TPM1: variants seen among roughly 807,000 people sequenced by gnomAD.
The protein encoded by TPM1 is tropomyosin alpha-1 chain.
A neutral mutation model predicts 42.9 loss-of-function variants in TPM1; 24 were observed. The observed-to-expected ratio is 0.56, with a 90% CI of 0.41 to 0.79. The LOEUF (loss-of-function observed/expected upper bound fraction) is 0.79, where lower values mean the gene tolerates loss of function less well. Ranked by LOEUF, TPM1 falls within the 30% of genes least tolerant of loss-of-function variation. The pLI is 0.00. For missense variants in TPM1, 158 were observed against 351.8 expected (o/e 0.45, Z 4.41); for synonymous variants, 136 against 130.1 (o/e 1.05, Z -0.31).
chr15:63,062,602 G>A lies in TPM1; in HGVS notation c.729G>A (p.Glu243=), dbSNP rs909096208. Residue 243 remains glutamate, a synonymous_variant, in exon 8 of 10, where the codon GAG becomes GAA. Coordinates refer to ENST00000403994, the MANE Select transcript of TPM1 (RefSeq NM_001018005.2). ...KEAETRAEFA[E]RSVTKLEKSI... ...CTGAGACTCGGGCTGAGTTTGCGGAGAGGTCAGTAACTAAATTGGAGAAAA... is the reference window on the plus strand; with the variant it reads ...CTGAGACTCGGGCTGAGTTTGCGGAAAGGTCAGTAACTAAATTGGAGAAAA... 6.2e-7 allele frequency: 1 copy of A among 1,614,100 alleles called. No homozygotes were observed. The highest frequency in any genetic ancestry group is 8.5e-7 in the Non-Finnish European group (1 of 1,180,052).
At chr15:63,056,710 A>C (rs2034851350) in intron 2 of TPM1, 3 of 445,390 alleles carry the variant, frequency 6.7e-6, no homozygotes, top group African/African-American at 2.0e-5. Flanking sequence ...GGAAGAAAGG[A>C]ACCATGTGAA....
chr15:63,058,570 G>A (rs1281869433), intron 3 of TPM1, among the ~76,000 whole-genome samples: 1 of 152,074 alleles, frequency 6.6e-6, no homozygotes, highest in South Asian at 2.1e-4. Context: ...TTAGCCAGGC[G>A]TGGTGGTGCA....
chr15:63,050,777 A>G (rs960091304), intron 2 of TPM1, among the ~76,000 whole-genome samples: 8 of 152,208 alleles, frequency 5.3e-5, no homozygotes, highest in Non-Finnish European at 1.0e-4. Context: ...TGAAATTGGA[A>G]CTTAAATGTA....
downstream of TPM1, chr15:63,066,188 G>C (rs74021742): frequency 1.3e-3 from 1,810 of 1,409,082 alleles, 20 homozygotes; most frequent in African/African-American, 0.024. Flanking sequence ...ATGAGGGTTA[G>C]TGTTTGGCTG....
At chr15:63,063,036 C>T in intron 8 of TPM1, 1 of 1,324,742 alleles carries the variant, frequency 7.5e-7, no homozygotes, top group Non-Finnish European at 9.6e-7. Flanking sequence ...AAGAACCCAT[C>T]TTCTTCCAAG....
At chr15:63,063,932 C>A in intron 8 of TPM1, 132 bp from the exon 9 acceptor site, 2 of 1,365,938 alleles carry the variant, frequency 1.5e-6, no homozygotes, top group Non-Finnish European at 9.9e-7. Flanking sequence ...CCTGCTGCGG[C>A]ACCAACCCCT....
At chr15:63,070,085 C>G (rs1566976492), downstream of TPM1, 2 of 1,529,244 alleles carry the variant, frequency 1.3e-6, no homozygotes, top group African/African-American at 2.7e-5. Flanking sequence ...GGCTGAAAGG[C>G]TGGCCTTGCC....
intron 2 of TPM1, among the ~76,000 whole-genome samples, chr15:63,049,936 T>C (rs533602451): frequency 6.6e-6 from 1 of 152,304 alleles, no homozygotes; most frequent in South Asian, 2.1e-4. Context: ...ATTAGAACTA[T>C]ATAGAATATG....
chr15:63,066,216 A>T, downstream of TPM1: 1 of 1,357,688 alleles, frequency 7.4e-7, no homozygotes, highest in Non-Finnish European at 9.5e-7. Flanking sequence ...TTCTTTTTAA[A>T]TACTGAACAC....
At chr15:63,061,324 T>A in intron 5 of TPM1, 1 of 1,578,438 alleles carries the variant, frequency 6.3e-7, no homozygotes, top group Non-Finnish European at 8.7e-7. Context: ...CAGACATCTT[T>A]CAGCTTCCAA....
Position 63,062,281 on chromosome 15 carries a change from A to G in TPM1, c.702+4A>G, listed in dbSNP as rs730881145. ...CCTTTCCGACAAGCTGAAGGAGGTA[A>G]TATGAGAGTTGTGGATGAAGCCAAC... On this transcript the variant is annotated splice_donor_region_variant and intron_variant, in intron 7 of 9. Transcript: ENST00000403994. 6.2e-7 allele frequency: 1 copy of G among 1,613,986 alleles called. No homozygotes were observed. The highest frequency in any genetic ancestry group is 8.5e-7 in the Non-Finnish European group (1 of 1,179,838).
At position 63,057,058 on chromosome 15, in the gene TPM1, G is replaced by A. The variant is rs773149185; in HGVS notation, c.314G>A (p.Arg105His). Residue 105 changes from arginine to histidine, a missense_variant, in exon 3 of 10, where the codon CGT becomes CAT. Arg to His is a conservative substitution (Grantham distance 29). Transcript: ENST00000403994. ...VEEELDRAQE[R>H]LATALQKLEE... ...GAAGAGTTGGATCGTGCCCAGGAGC[G>A]TCTGGCAACAGCTTTGCAGAAGCTG... 3.1e-6 allele frequency: 5 copies of A among 1,614,100 alleles called. No homozygotes were observed. Among genetic ancestry groups the A allele is most frequent in the Middle Eastern group, 1.6e-4 (1 of 6,084 alleles).
chr15:63,070,087 G>C, downstream of TPM1: 2 of 1,529,342 alleles, frequency 1.3e-6, no homozygotes, highest in Non-Finnish European at 1.8e-6. Flanking sequence ...CTGAAAGGCT[G>C]GCCTTGCCTG....
intron 1 of TPM1, 73 bp downstream of exon 1, chr15:63,043,016 C>G (rs1035926407): frequency 7.9e-6 from 11 of 1,388,690 alleles, no homozygotes; most frequent in Admixed American, 2.0e-5. Flanking sequence ...GGCTGGATCC[C>G]CACCCCGAGG....
At position 63,044,171 on chromosome 15, in the gene TPM1, T is replaced by A; in HGVS notation, c.240+19T>A. ...CACCGATGTAAGTGCACGCTCACAC[T>A]GCTTCCCTCACCTCTTGCCTGCGTG... On this transcript the variant is annotated intron_variant, in intron 2 of 9. Transcript: ENST00000403994. 1 of 1,614,178 alleles carries A rather than the reference T, an allele frequency of 6.2e-7. No individual in the cohort carries two copies.
At chr15:63,061,851 C>T in intron 6 of TPM1, 63 bp downstream of exon 6, 1 of 1,450,832 alleles carries the variant, frequency 6.9e-7, no homozygotes, top group Non-Finnish European at 9.7e-7. Flanking sequence ...AGAGGCCCTG[C>T]CAGAAAGCAA....
downstream of TPM1, chr15:63,070,067 A>T: frequency 6.4e-7 from 1 of 1,551,940 alleles, no homozygotes; most frequent in Non-Finnish European, 8.7e-7. Flanking sequence ...ATGCAAATGC[A>T]AGGAATTGGC....
chr15:63,058,672 G>A (rs1176954874), intron 3 of TPM1, among the ~76,000 whole-genome samples: 3 of 152,072 alleles, frequency 2.0e-5, no homozygotes, highest in East Asian at 1.9e-4. Flanking sequence ...TCACACCACC[G>A]CACTCCAACC....
At chr15:63,052,417 G>C (rs539697760) in intron 2 of TPM1, among the ~76,000 whole-genome samples, 2 of 152,330 alleles carry the variant, frequency 1.3e-5, no homozygotes, top group Admixed American at 6.5e-5. Flanking sequence ...TAGCTACTGG[G>C]GAGGCTGAGG....
Sources: gnomAD v4.1 joint callset for allele counts (sites outside exome capture counted in the v4.1 genomes callset) on GRCh38, gnomAD v4.1.1 for gene constraint, MANE v1.5 for transcripts, NCBI Gene and HGNC (gene_info 2026-07-23, HGNC 2026-07-21) for gene names.